PRICKLE3: variants seen among roughly 807,000 people sequenced by gnomAD.
PRICKLE3 encodes prickle planar cell polarity protein 3.
PRICKLE3 carries 17 observed loss-of-function variants against 33.8 expected under a neutral mutation model. That is an observed-to-expected ratio of 0.50 (90% confidence interval 0.34 to 0.75). PRICKLE3 has a LOEUF of 0.75. PRICKLE3 is among the 30% of genes least tolerant of loss of function. PRICKLE3 has a pLI of 0.01. For missense variants in PRICKLE3, 573 were observed against 576.7 expected, an observed-to-expected ratio of 0.99 and a Z score of 0.07; for synonymous variants, 211 against 219.6, an observed-to-expected ratio of 0.96 and a Z score of 0.34.
chrX:49,179,630 C>T, intron 4 of PRICKLE3, 63 bp downstream of exon 4: 1 of 973,694 alleles, frequency 1.0e-6, no homozygotes, highest in Non-Finnish European at 1.4e-6. Context: ...TCTGACCCTG[C>T]CCTGCATTGG....
rs148273554 is a variant in PRICKLE3 at position 49,178,157 on chromosome X, G to A, written c.791C>T (p.Thr264Met). 371 of 1,182,359 alleles carry A rather than the reference G, an allele frequency of 3.1e-4. No individual in the cohort carries two copies. Among genetic ancestry groups the A allele is most frequent in the Non-Finnish European group, 3.8e-4 (337 of 878,649 alleles). Residue 264 changes from threonine to methionine, a missense_variant, in exon 7 of 9, where the codon ACG becomes ATG. Physicochemically the swap from Thr to Met is moderately conservative, Grantham distance 81. Transcript: ENST00000599218. ...GTGCCAGTGGCGGCCCTCAGCCTCC[G>A]TGCACTCAGGGGAGAAGATGATCTG... is the stretch of plus-strand genomic sequence containing the variant. ...CDEIIFSPEC[T>M]EAEGRHWHMD... is the part of the protein sequence containing the mutation.
At chrX:49,177,742 C>T (rs1159555979) in intron 7 of PRICKLE3, among the ~76,000 whole-genome samples, 1 of 111,777 alleles carries the variant, frequency 8.9e-6, no homozygotes, top group Non-Finnish European at 1.9e-5. Flanking sequence ...ATTAGAGCAC[C>T]CTCTGGAGGT....
Position 49,174,946 on chromosome X carries a change from C to A in PRICKLE3, c.*727G>T. ...ACACCAGTTCTGACTGAACCATGCC[C>A]CCACCTAAGTCACAAAATGAGGGAA... On this transcript the variant is annotated 3_prime_UTR_variant, in exon 9 of 9. Transcript: ENST00000599218. 1 of 441,445 alleles carries A rather than the reference C, an allele frequency of 2.3e-6. No homozygotes were observed. The highest frequency in any genetic ancestry group is 4.0e-6 in the Non-Finnish European group (1 of 250,563). The allele number at this position is 441,445 out of a possible 1,213,427, so 36.4% of individuals were successfully genotyped here.
chrX:49,178,626 T>G (rs1361234873), intron 5 of PRICKLE3, 151 bp from the exon 6 acceptor site: 3 of 544,277 alleles, frequency 5.5e-6, no homozygotes, highest in Admixed American at 3.4e-5. Flanking sequence ...ACACAGGCCC[T>G]GCCTATACCA....
At position 49,176,062 on chromosome X, in the gene PRICKLE3, G is replaced by A. The variant is rs782194468; in HGVS notation, c.1459C>T (p.Arg487Cys). The A allele has an allele frequency of 8.3e-7, 1 of 1,207,181 alleles. No homozygotes were observed. Among genetic ancestry groups the A allele is most frequent in the South Asian group, 1.8e-5 (1 of 56,703 alleles). The change falls in exon 9 of 9, where the codon CGC becomes TGC. Residue 487 changes from arginine (R) to cysteine (C), a missense_variant. Physicochemically the swap from Arg to Cys is radical, Grantham distance 180 (BLOSUM62 -3). Transcript: ENST00000599218. ...RDPLVSEGGPRRTLSAPPAQR... is the reference protein window; with the variant it reads ...RDPLVSEGGPCRTLSAPPAQR... ...GCCGGGGGTGCACTCAGGGTCCGGCGCGGGCCTCCTTCAGACACCAGAGGG... is the reference window on the plus strand; with the variant it reads ...GCCGGGGGTGCACTCAGGGTCCGGCACGGGCCTCCTTCAGACACCAGAGGG...
At chrX:49,178,802 C>T (rs1216262834) in intron 5 of PRICKLE3, among the ~76,000 whole-genome samples, 1 of 111,575 alleles carries the variant, frequency 9.0e-6, no homozygotes, top group Non-Finnish European at 1.9e-5. Flanking sequence ...ATAGTCTCCA[C>T]CCACCGGGAC....
At chrX:49,181,985 C>G (rs781909621) in intron 3 of PRICKLE3, among the ~76,000 whole-genome samples, 1 of 105,609 alleles carries the variant, frequency 9.5e-6, no homozygotes, top group Admixed American at 1.0e-4. Flanking sequence ...CTTGCTCTGT[C>G]GCCCAGGCTG....
chrX:49,178,061 C>A lies in PRICKLE3; in HGVS notation c.887G>T (p.Arg296Leu). 1 of 1,164,274 alleles carries A rather than the reference C, an allele frequency of 8.6e-7. No individual in the cohort carries two copies. The highest frequency in any genetic ancestry group is 1.1e-6 in the Non-Finnish European group (1 of 870,316). The stretch of plus-strand genomic sequence containing the variant: ...CTCGTAGCAGGCGCAGCAGTGGGGG[C>A]GGCTCTGACGCATGACATAGCGCTG... Reference protein sequence around the residue: ...GGQRYVMRQSRPHCCACYEAR... With the variant: ...GGQRYVMRQSLPHCCACYEAR... Residue 296 changes from arginine (R) to leucine (L), a missense_variant, in exon 7 of 9, where the codon CGC (arginine) becomes CTC (leucine). Coordinates refer to ENST00000599218, the MANE Select transcript of PRICKLE3 (RefSeq NM_006150.5).
chrX:49,179,347 C>T lies in PRICKLE3; in HGVS notation c.468G>A (p.Glu156=). The T allele has an allele frequency of 1.7e-6, 2 of 1,211,385 alleles. No individual in the cohort carries two copies. The highest frequency in any genetic ancestry group is 1.7e-5 in the African/African-American group (1 of 57,807). ...TCCGCTGCTGGCTAAAGGCTCGGAG[C>T]TCTTTCTTTTCCTCCTCTTCCAGTG... The part of the protein sequence containing the change: ...CTALEEEEKK[E]LRAFSQQRKR... Residue 156 remains glutamate (E), a synonymous_variant, in exon 5 of 9, where the codon GAG becomes GAA. Coordinates refer to ENST00000599218, the MANE Select transcript of PRICKLE3 (RefSeq NM_006150.5).
rs1393801688 is a variant in PRICKLE3 at position 49,183,797 on chromosome X, G to A, written c.249C>T (p.Asp83=). Residue 83 remains aspartate, a synonymous_variant, in exon 3 of 9, where the codon GAC becomes GAT. Coordinates refer to ENST00000599218, the MANE Select transcript of PRICKLE3 (RefSeq NM_006150.5). ...CCTCCGATGCACAGCCTGAGTCGTCGTCGGAGATGGAGTGGCGCTGGAAGT... is the reference window on the plus strand; with the variant it reads ...CCTCCGATGCACAGCCTGAGTCGTCATCGGAGATGGAGTGGCGCTGGAAGT... ...ISDFQRHSIS[D]DDSGCASEEY... The A allele has an allele frequency of 3.3e-6, 4 of 1,211,450 alleles. No individual in the cohort carries two copies. The East Asian group carries it at 8.9e-5, about 27-fold the overall frequency.
In PRICKLE3 at chrX:49,179,564, CCT is replaced by C. The variant is rs1279380568; in HGVS notation, c.426+127_426+128del. On this transcript the variant is annotated intron_variant, in intron 4 of 8. Coordinates refer to ENST00000599218, the MANE Select transcript of PRICKLE3 (RefSeq NM_006150.5). Reference sequence around the variant, plus strand: ...GCTGTGGTTTTGCCAAGGAATGTCCCCTGATGACCCCTGCCTGTCTGGACCAC... The same window carrying C: ...GCTGTGGTTTTGCCAAGGAATGTCCCGATGACCCCTGCCTGTCTGGACCAC... 3.5e-6 allele frequency: 3 copies of C among 861,323 alleles called. No homozygotes were observed. The African/African-American group carries it at 6.0e-5, about 17-fold the overall frequency. The allele number at this position is 861,323 out of a possible 1,213,427, so 71.0% of individuals were successfully genotyped here.
At chrX:49,183,969 C>T in intron 2 of PRICKLE3, 52 bp from the exon 3 acceptor site, 1 of 1,163,054 alleles carries the variant, frequency 8.6e-7, no homozygotes, top group Non-Finnish European at 1.2e-6. Flanking sequence ...CACCCGAACC[C>T]CTCGGCAGCC....
chrX:49,183,612 G>A lies in PRICKLE3; in HGVS notation c.312+122C>T, dbSNP rs781881111. The A allele has an allele frequency of 3.5e-6, 4 of 1,148,900 alleles. 1 individual carries two copies. Among genetic ancestry groups the A allele is most frequent in the South Asian group, 2.0e-5 (1 of 50,331 alleles). The allele number at this position is 1,148,900 out of a possible 1,213,427, so 94.7% of individuals were successfully genotyped here. A position where few individuals can be genotyped will look rare whatever the true frequency, so the allele number is the denominator to read the frequency against. On this transcript the variant is annotated intron_variant, in intron 3 of 8. Coordinates refer to ENST00000599218, the MANE Select transcript of PRICKLE3 (RefSeq NM_006150.5). ...TCACAGAGGGGCCAGAAGGACCCTC[G>A]GTCTGACTGCACACTCTAGCGTAGC...
rs782653464 is a variant in PRICKLE3, at chrX:49,175,821, C to A, written c.1700G>T (p.Arg567Leu). 1.7e-6 allele frequency: 2 copies of A among 1,212,058 alleles called. No individual in the cohort carries two copies. Among genetic ancestry groups the A allele is most frequent in the Admixed American group, 4.3e-5 (2 of 46,127 alleles). The change falls in exon 9 of 9, where the codon CGC becomes CTC. Residue 567 changes from arginine to leucine, a missense_variant. By Grantham distance (102) the Arg-to-Leu change is moderately radical. Coordinates refer to ENST00000599218, the MANE Select transcript of PRICKLE3 (RefSeq NM_006150.5). ...SEDDGFFLGE[R>L]IPLPPHLCRP... ...GCACAAATGCGGGGGCAGAGGGATG[C>A]GCTCTCCTAGGAAGAAGCCATCATC...
chrX:49,179,174 TGCTTGGAAGATGTGTCCTGCTCCCCAGG>T (rs2065435375), intron 5 of PRICKLE3, 49 bp downstream of exon 5: 1 of 1,112,195 alleles, frequency 9.0e-7, no homozygotes, highest in Admixed American at 2.8e-5. Context: ...ATCTTCCCAG[TGCTTGGAAGATGTGTCCTGCTCCCCAGG>T]GCTTGGAGCA....
chrX:49,184,551 G>T, intron 2 of PRICKLE3, 74 bp downstream of exon 2: 1 of 932,935 alleles, frequency 1.1e-6, no homozygotes, highest in Non-Finnish European at 1.4e-6. Context: ...GTAGGGGCGT[G>T]GCGTAAGGCT....
Position 49,176,106 on chromosome X carries a change from G to C in PRICKLE3, c.1415C>G (p.Pro472Arg), listed in dbSNP as rs782301011. The C allele has an allele frequency of 4.1e-6, 5 of 1,207,715 alleles. No homozygotes were observed. The highest frequency in any genetic ancestry group is 2.2e-5 in the Admixed American group (1 of 45,790). The stretch of plus-strand genomic sequence containing the variant: ...CAGAGGGTCGCGGAAGCTGACGCGT[G>C]GGGTGCTCTGACGACCGAAGGCACT... ...DDSAFGRQST[P>R]RVSFRDPLVS... The change falls in exon 9 of 9, where the codon CCA (proline) becomes CGA (arginine). Residue 472 changes from proline to arginine, a missense_variant. Coordinates refer to ENST00000599218, the MANE Select transcript of PRICKLE3 (RefSeq NM_006150.5).
At chrX:49,178,227 C>T in intron 6 of PRICKLE3, 45 bp downstream of exon 6, 2 of 1,197,444 alleles carry the variant, frequency 1.7e-6, no homozygotes, top group Non-Finnish European at 2.3e-6. Context: ...CTGCTCCTGG[C>T]CCTGCCCACC....
In PRICKLE3 at chrX:49,178,079, T is replaced by C; in HGVS notation, c.869A>G (p.Tyr290Cys). 1 of 1,177,589 alleles carries C rather than the reference T, an allele frequency of 8.5e-7. No individual in the cohort carries two copies. Among genetic ancestry groups the C allele is most frequent in the Non-Finnish European group, 1.1e-6 (1 of 876,782 alleles). ...GTGGGGGCGGCTCTGACGCATGACATAGCGCTGCCCTCCTAGTGAAGCTTC... is the reference window on the plus strand; with the variant it reads ...GTGGGGGCGGCTCTGACGCATGACACAGCGCTGCCCTCCTAGTGAAGCTTC... Reference protein sequence around the residue: ...ECEASLGGQRYVMRQSRPHCC... With the variant: ...ECEASLGGQRCVMRQSRPHCC... Residue 290 changes from tyrosine to cysteine, a missense_variant, in exon 7 of 9, where the codon TAT becomes TGT. Physicochemically the swap from Tyr to Cys is radical, Grantham distance 194 (BLOSUM62 -2). Transcript: ENST00000599218.
Sources: allele counts gnomAD v4.1 joint callset (sites outside exome capture counted in the v4.1 genomes callset), GRCh38; gene constraint gnomAD v4.1.1; transcripts MANE v1.5; gene names NCBI Gene and HGNC (gene_info 2026-07-23, HGNC 2026-07-21).